The following WDR33 variants were observed in gnomAD, a reference collection of about 807,000 sequenced individuals.
WDR33 encodes the protein WD repeat domain 33.
Under a neutral mutation model 164.9 loss-of-function variants are expected in WDR33, and 47 were observed. The ratio of observed to expected loss-of-function variants is 0.29; its 90% CI spans 0.23 to 0.36. WDR33 has a LOEUF of 0.36. Among genes scored for constraint, WDR33 ranks in the 10% least tolerant of loss-of-function variants. The pLI is 1.00. For synonymous variants in WDR33, 505 were observed against 589.0 expected (o/e 0.86, Z 2.06); for missense variants, 1,137 against 1,754.1 (o/e 0.65, Z 6.28).
At chr2:127,746,755 A>G (rs967714144) in intron 7 of WDR33, among the ~76,000 whole-genome samples, 6 of 152,262 alleles carry the variant, frequency 3.9e-5, no homozygotes, top group Non-Finnish European at 8.8e-5. Flanking sequence ...GCTAAAGAGG[A>G]GGTTTAACAA....
At chr2:127,781,901 G>A (rs1241262938) in intron 1 of WDR33, among the ~76,000 whole-genome samples, 1 of 151,746 alleles carries the variant, frequency 6.6e-6, no homozygotes, top group Non-Finnish European at 1.5e-5. Context: ...GGGAGGCTGA[G>A]GCAGGAGAAT....
intron 1 of WDR33, among the ~76,000 whole-genome samples, chr2:127,809,031 CAAAAAAA>C (rs11305287): frequency 2.4e-5 from 2 of 84,934 alleles, no homozygotes; most frequent in African/African-American, 9.3e-5. Flanking sequence ...ACTCTTGTCT[CAAAAAAA>C]AAAAAAAAAA....
At position 127,721,546 on chromosome 2, in the gene WDR33, G is replaced by A. The variant is rs376563473; in HGVS notation, c.1671+290C>T. Among the ~76,000 whole-genome samples, 1 of 152,214 alleles carries A rather than the reference G, an allele frequency of 6.6e-6. No homozygotes were observed. Among genetic ancestry groups the A allele is most frequent in the South Asian group, 2.1e-4 (1 of 4,832 alleles). ...GAAGATCACTTGAGCCTGGGAGGCA[G>A]AGGTTGTAGCAAGCCGTGATCGCAC... On this transcript the variant is annotated intron_variant, in intron 15 of 21. Transcript: ENST00000322313. The surrounding 1 kb of genome is among the most constrained non-coding windows in gnomAD (Gnocchi z 4.9).
At chr2:127,784,418 T>C (rs777672012) in intron 1 of WDR33, among the ~76,000 whole-genome samples, 1 of 152,222 alleles carries the variant, frequency 6.6e-6, no homozygotes, top group Non-Finnish European at 1.5e-5. Flanking sequence ...AGGGTCTCAC[T>C]CTGTCACCCA....
chr2:127,790,713 C>T (rs780117991), intron 1 of WDR33, among the ~76,000 whole-genome samples: 13 of 152,114 alleles, frequency 8.5e-5, no homozygotes, highest in Non-Finnish European at 1.6e-4. Context: ...TGGGCTCAAG[C>T]GATCCTCCTG....
At chr2:127,707,623 T>A (rs762965227) in intron 21 of WDR33, among the ~76,000 whole-genome samples, 1 of 152,198 alleles carries the variant, frequency 6.6e-6, no homozygotes, top group Non-Finnish European at 1.5e-5. Flanking sequence ...AATGTGTTTA[T>A]GCAGGGTGAT....
intron 4 of WDR33, among the ~76,000 whole-genome samples, chr2:127,766,952 T>G (rs1286966708): frequency 6.6e-6 from 1 of 152,008 alleles, no homozygotes; most frequent in African/African-American, 2.4e-5. Context: ...AAACACGAGG[T>G]TTCATCATAT....
Position 127,717,246 on chromosome 2 carries a change from G to C in WDR33, c.2778C>G (p.Gly926=). The C allele has an allele frequency of 6.3e-7, 1 of 1,599,030 alleles. No homozygotes were observed. Among genetic ancestry groups the C allele is most frequent in the Non-Finnish European group, 8.5e-7 (1 of 1,173,694 alleles). ...APFNQEGQST[G]PPPLIPGLGQ... is the part of the protein sequence containing the mutation. ...CTAGGCCTGGTATCAGGGGTGGGGG[G>C]CCTGTGCTCTGTCCTTCCTGAAAAT... is the stretch of plus-strand genomic sequence containing the variant. Residue 926 remains glycine (G), a synonymous_variant, in exon 17 of 22, where the codon GGC becomes GGG. Coordinates refer to ENST00000322313, the MANE Select transcript of WDR33 (RefSeq NM_018383.5). The surrounding 1 kb of genome is among the most constrained non-coding windows in gnomAD (Gnocchi z 5.6).
intron 1 of WDR33, among the ~76,000 whole-genome samples, chr2:127,803,441 G>A (rs907185105): frequency 6.6e-6 from 1 of 151,948 alleles, no homozygotes; most frequent in Non-Finnish European, 1.5e-5. Flanking sequence ...TTAGCCAGAC[G>A]CCTGTAATCC....
At chr2:127,782,337 G>C (rs1458818309) in intron 1 of WDR33, among the ~76,000 whole-genome samples, 3 of 152,030 alleles carry the variant, frequency 2.0e-5, no homozygotes, top group Non-Finnish European at 2.9e-5. Context: ...GAACCTGGGA[G>C]GCAGGGGTTG....
At position 127,726,504 on chromosome 2, in the gene WDR33, A is replaced by G. The variant is rs1352571423; in HGVS notation, c.851+147T>C. 12 of 1,093,432 alleles carry G rather than the reference A, an allele frequency of 1.1e-5. No homozygotes were observed. Among genetic ancestry groups the G allele is most frequent in the Non-Finnish European group, 1.5e-5 (12 of 782,790 alleles). 67.7% of individuals were successfully genotyped at this position (1,093,432 alleles called of 1,614,324 possible). ...AGAGTTCAGAGATGAATCATATTTA[A>G]TTCATAAGAAGTCTATAGATCCAAG... On this transcript the variant is annotated intron_variant, in intron 8 of 21. Transcript: ENST00000322313. This position sits in a 1 kb window ranked among gnomAD's most constrained non-coding sequence, Gnocchi z 4.8.
intron 7 of WDR33, among the ~76,000 whole-genome samples, chr2:127,731,504 T>A (rs1263735620): frequency 3.3e-5 from 5 of 152,110 alleles, no homozygotes; most frequent in African/African-American, 1.2e-4. Context: ...TACTAGGAAT[T>A]TACCCTATGA....
chr2:127,759,739 A>C (rs1292934002), intron 7 of WDR33, among the ~76,000 whole-genome samples: 3 of 151,208 alleles, frequency 2.0e-5, no homozygotes, highest in Non-Finnish European at 4.4e-5. Context: ...AGCAACTATA[A>C]ATTCTGCATT....
At chr2:127,800,726 T>C (rs114909841) in intron 1 of WDR33, among the ~76,000 whole-genome samples, 3,207 of 152,024 alleles carry the variant, frequency 0.021, 122 homozygotes, top group African/African-American at 0.074. Flanking sequence ...AACCATAGAC[T>C]TTACAAAGCC....
chr2:127,714,638 A>G lies in WDR33; in HGVS notation c.2870-617T>C, dbSNP rs1314940928. Among the ~76,000 whole-genome samples the G allele has an allele frequency of 2.6e-5, 4 of 152,218 alleles. No homozygotes were observed. The highest frequency in any genetic ancestry group is 5.9e-5 in the Non-Finnish European group (4 of 68,040). On this transcript the variant is annotated intron_variant, in intron 17 of 21. Transcript: ENST00000322313. This position sits in a 1 kb window ranked among gnomAD's most constrained non-coding sequence, Gnocchi z 4.3. ...CACCTCTCTATGGATGTTGTTCCTC[A>G]TCTACAATATTCTCACCATTCTTTG...
rs1370766078 is a variant in WDR33 at position 127,789,528 on chromosome 2, C to G, written c.-23-18524G>C. ...CGGCCCGGCCAACACAGCGAAACCC[C>G]GTCTCCACCAAAACCAGTCAGGCGT... On this transcript the variant is annotated intron_variant, in intron 1 of 21. Coordinates refer to ENST00000322313, the MANE Select transcript of WDR33 (RefSeq NM_018383.5). Among the ~76,000 whole-genome samples the G allele has an allele frequency of 2.1e-4, 31 of 146,890 alleles. No individual in the cohort carries two copies. The East Asian group carries it at 5.5e-3, about 26-fold the overall frequency.
rs1686303242 is a variant in WDR33 at position 127,716,455 on chromosome 2, T to C, written c.2869+700A>G. The stretch of plus-strand genomic sequence containing the variant: ...AACACAGTGTTTCCTCTCACTCCCC[T>C]CCATCCACTCCGAGTCACCCCCTGC... On this transcript the variant is annotated intron_variant, in intron 17 of 21. Transcript: ENST00000322313. This position sits in a 1 kb window ranked among gnomAD's most constrained non-coding sequence, Gnocchi z 4.5. Among the ~76,000 whole-genome samples, 2 of 152,070 alleles carry C rather than the reference T, an allele frequency of 1.3e-5. No individual in the cohort carries two copies. The highest frequency in any genetic ancestry group is 4.1e-4 in the South Asian group (2 of 4,826).
At chr2:127,765,016 C>T in intron 5 of WDR33, 37 bp from the exon 6 acceptor site, 2 of 1,605,668 alleles carry the variant, frequency 1.2e-6, no homozygotes, top group Non-Finnish European at 1.7e-6. Flanking sequence ...TAAGGTGCTG[C>T]TTCAAAGAAT....
At chr2:127,771,694 C>T (rs2105445639) in intron 1 of WDR33, among the ~76,000 whole-genome samples, 1 of 148,576 alleles carries the variant, frequency 6.7e-6, no homozygotes, top group Non-Finnish European at 1.5e-5. Flanking sequence ...AGGAGAATCA[C>T]TTGAGTCCAG....
Sources: allele counts gnomAD v4.1 joint callset (sites outside exome capture counted in the v4.1 genomes callset), GRCh38; gene constraint gnomAD v4.1.1; non-coding constraint Gnocchi (gnomAD v3.1); transcripts MANE v1.5; gene names NCBI Gene and HGNC (gene_info 2026-07-23, HGNC 2026-07-21).